The following DNAH3 variants were observed in gnomAD, a reference collection of about 807,000 sequenced individuals.
DNAH3 encodes axonemal beta dynein heavy chain 3.
A neutral mutation model predicts 432.5 loss-of-function variants in DNAH3; 332 were observed. That is an observed-to-expected ratio of 0.77 (90% CI 0.70 to 0.84). DNAH3 has a LOEUF of 0.84. DNAH3 is among the 40% of genes least tolerant of loss of function. The probability of loss-of-function intolerance (pLI) is 0.00; values close to 1 mark genes in which losing one functional copy is unlikely to be tolerated. For missense variants in DNAH3, 4,861 were observed against 5,114.0 expected, an observed-to-expected ratio of 0.95 and a Z score of 1.51; for synonymous variants, 1,956 against 1,900.2, an observed-to-expected ratio of 1.03 and a Z score of -0.76.
exon 6 of DNAH3, chr16:21,136,449 A>T: frequency 6.2e-7 from 1 of 1,614,028 alleles, no homozygotes; most frequent in Non-Finnish European, 8.5e-7. Flanking sequence ...CCGAACCATC[A>T]CTTCACCCTC....
intron 26 of DNAH3, 26 bp from the exon 27 acceptor site, chr16:21,058,222 T>C (rs377250519): frequency 1.5e-5 from 21 of 1,401,816 alleles, no homozygotes; most frequent in African/African-American, 1.1e-4. Flanking sequence ...GGGCATGTTA[T>C]AGGATCAGTT....
chr16:20,975,575 A>G (rs907031575), intron 50 of DNAH3, among the ~76,000 whole-genome samples, 160 bp from the exon 51 acceptor site: 1 of 152,226 alleles, frequency 6.6e-6, no homozygotes, highest in Non-Finnish European at 1.5e-5. Context: ...TGATTATCTC[A>G]TAGGTTTTTC....
intron 53 of DNAH3, among the ~76,000 whole-genome samples, chr16:20,961,416 G>A (rs2084812325): frequency 1.3e-5 from 2 of 152,026 alleles, no homozygotes; most frequent in African/African-American, 2.4e-5. Context: ...AATGGTTGCA[G>A]CACACCAACA....
In DNAH3 at chr16:21,056,058, C is replaced by T. The variant is rs188784252; in HGVS notation, c.3925-1524G>A. 2.4e-4 allele frequency among the ~76,000 whole-genome samples: 36 copies of T among 152,296 alleles called. No individual in the cohort carries two copies. The East Asian group carries it at 7.0e-3, about 29-fold the overall frequency. ...CTGCCCTGAATCTAGATGATTATAGCTGCCTCTTCAAGCTGTGTTGAGGAT... is the reference window on the plus strand; with the variant it reads ...CTGCCCTGAATCTAGATGATTATAGTTGCCTCTTCAAGCTGTGTTGAGGAT... On this transcript the variant is annotated intron_variant, in intron 27 of 61. Coordinates refer to ENST00000261383, the Ensembl canonical transcript of DNAH3.
intron 23 of DNAH3, among the ~76,000 whole-genome samples, chr16:21,067,772 G>GGGGGGGAGGGGGGGA (rs1555545837): frequency 8.4e-5 from 2 of 23,718 alleles, no homozygotes; most frequent in Non-Finnish European, 1.4e-4. Context: ...GGGGGGGTGG[G>GGGGGGGAGGGGGGGA]GAGGGAGAGA....
intron 49 of DNAH3, 128 bp from the exon 50 acceptor site, chr16:20,979,674 T>A (rs1319320473): frequency 1.2e-6 from 1 of 803,200 alleles, no homozygotes; most frequent in Non-Finnish European, 2.0e-6. Context: ...GAATCCAAAC[T>A]CTCTGAGGAC....
At chr16:21,087,926 T>A (rs184278780) in intron 18 of DNAH3, among the ~76,000 whole-genome samples, 62 of 152,246 alleles carry the variant, frequency 4.1e-4, no homozygotes, top group Middle Eastern at 6.8e-3. Flanking sequence ...AAGCAAAAAG[T>A]AACACCTCAT....
intron 21 of DNAH3, among the ~76,000 whole-genome samples, chr16:21,074,741 G>A (rs1336923417): frequency 6.6e-6 from 1 of 151,448 alleles, no homozygotes; most frequent in Non-Finnish European, 1.5e-5. Flanking sequence ...AAGAACCAAT[G>A]GTCTGCAGGA....
chr16:21,128,949 G>C (rs945982470), intron 7 of DNAH3, among the ~76,000 whole-genome samples: 2 of 151,862 alleles, frequency 1.3e-5, no homozygotes, highest in African/African-American at 2.4e-5. Flanking sequence ...GTGAAGAAAG[G>C]CCAACCAGTG....
At chr16:21,137,500 G>A (rs1390226778) in intron 5 of DNAH3, among the ~76,000 whole-genome samples, 1 of 149,762 alleles carries the variant, frequency 6.7e-6, no homozygotes, top group Non-Finnish European at 1.5e-5. Flanking sequence ...TCAGCTCACT[G>A]CAACCTCTGC....
chr16:21,057,563 C>T (rs1384411972), intron 27 of DNAH3, among the ~76,000 whole-genome samples: 1 of 152,176 alleles, frequency 6.6e-6, no homozygotes, highest in Non-Finnish European at 1.5e-5. Context: ...GAACTCAAGT[C>T]CATCAGGTCT....
At chr16:20,993,786 C>G (rs2086653170) in intron 44 of DNAH3, among the ~76,000 whole-genome samples, 1 of 152,066 alleles carries the variant, frequency 6.6e-6, no homozygotes, top group South Asian at 2.1e-4. Context: ...CTGCCTCAAG[C>G]GATCCTCCCA....
chr16:20,993,985 T>G (rs978772240), intron 44 of DNAH3, among the ~76,000 whole-genome samples: 3 of 152,216 alleles, frequency 2.0e-5, no homozygotes, highest in Non-Finnish European at 4.4e-5. Context: ...TTTTTCTTAT[T>G]TTATTGGATT....
intron 55 of DNAH3, among the ~76,000 whole-genome samples, chr16:20,953,290 C>T (rs1224665610): frequency 6.6e-6 from 1 of 151,856 alleles, no homozygotes; most frequent in Non-Finnish European, 1.5e-5. Flanking sequence ...TCCTGAGTGG[C>T]TGGGATTACA....
At chr16:21,036,926 T>A (rs2152728663) in intron 34 of DNAH3, 78 bp from the exon 35 acceptor site, 1 of 1,188,072 alleles carries the variant, frequency 8.4e-7, no homozygotes, top group South Asian at 1.4e-5. Context: ...TAAAATGAGA[T>A]GTATCAACAA....
chr16:21,104,999 C>T (rs1289547439), intron 15 of DNAH3, among the ~76,000 whole-genome samples: 1 of 152,184 alleles, frequency 6.6e-6, no homozygotes, highest in African/African-American at 2.4e-5. Flanking sequence ...ACTTCATCTG[C>T]ATGTCGGTTT....
At chr16:21,122,193 A>G (rs2152813269) in intron 9 of DNAH3, 69 bp from the exon 11 acceptor site, 4 of 1,298,612 alleles carry the variant, frequency 3.1e-6, no homozygotes, top group East Asian at 2.3e-5. Context: ...AGTGAATTTT[A>G]TACATTCATA....
At chr16:21,006,282 C>T (rs967171310) in intron 41 of DNAH3, among the ~76,000 whole-genome samples, 12 of 152,182 alleles carry the variant, frequency 7.9e-5, no homozygotes, top group African/African-American at 2.9e-4. Context: ...GTTTCTCTGA[C>T]TCTGCAGTTC....
At chr16:20,978,550 A>C (rs903730991) in intron 50 of DNAH3, among the ~76,000 whole-genome samples, 1 of 152,048 alleles carries the variant, frequency 6.6e-6, no homozygotes, top group African/African-American at 2.4e-5. Context: ...ATAATAAAAT[A>C]AAGAGACAAA....
Sources: gnomAD v4.1 joint callset for allele counts (sites outside exome capture counted in the v4.1 genomes callset) on GRCh38, gnomAD v4.1.1 for gene constraint, MANE v1.5 for transcripts, NCBI Gene and HGNC (gene_info 2026-07-23, HGNC 2026-07-21) for gene names.